The following PCDH15 variants were observed in gnomAD, a reference collection of about 807,000 sequenced individuals.
The protein encoded by PCDH15 is protocadherin-15.
A neutral mutation model predicts 178.5 loss-of-function variants in PCDH15; 129 were observed. The ratio of observed to expected loss-of-function variants is 0.72; its 90% CI spans 0.63 to 0.84. The LOEUF is 0.84. Among genes scored for constraint, PCDH15 ranks in the 40% least tolerant of loss-of-function variants. The pLI is 0.00. For synonymous variants in PCDH15, 800 were observed against 732.0 expected (o/e 1.09, Z -1.50); for missense variants, 2,230 against 2,099.9 (o/e 1.06, Z -1.21).
chr10:53,871,538 G>A (rs1204726247), intron 26 of PCDH15, among the ~76,000 whole-genome samples: 1 of 149,870 alleles, frequency 6.7e-6, no homozygotes, highest in Non-Finnish European at 1.5e-5. Context: ...AGTTACCTAA[G>A]TTGTCATAAT....
chr10:54,774,560 C>T (rs1292444379), intron 1 of PCDH15, among the ~76,000 whole-genome samples: 2 of 151,980 alleles, frequency 1.3e-5, no homozygotes, highest in African/African-American at 4.8e-5. Flanking sequence ...CAAACACAGG[C>T]GTATTGTTAT....
chr10:53,861,663 T>A (rs1394658874), intron 27 of PCDH15, among the ~76,000 whole-genome samples: 2 of 152,200 alleles, frequency 1.3e-5, no homozygotes, highest in African/African-American at 4.8e-5. Flanking sequence ...GTTTAATATA[T>A]GTTTAGTAAA....
intron 2 of PCDH15, among the ~76,000 whole-genome samples, chr10:54,989,448 T>A (rs928892380): frequency 2.6e-5 from 4 of 152,136 alleles, no homozygotes; most frequent in African/African-American, 9.7e-5. Context: ...GGAGGCTACA[T>A]CCTGCAAAGC....
chr10:55,506,576 G>T lies in PCDH15; in HGVS notation c.-156+121049C>A, dbSNP rs1277854975. On this transcript the variant is annotated intron_variant, in intron 2 of 5. Coordinates refer to the PCDH15 transcript ENST00000613346. ...GGCTCAAAAAGAAAAGTCAGATGAC[G>T]AAGGTGATAAGGTAACTAGAAGAGG... is the stretch of plus-strand genomic sequence containing the variant. Among the ~76,000 whole-genome samples the T allele has an allele frequency of 5.3e-5, 8 of 151,470 alleles. No individual in the cohort carries two copies. In the Admixed American group the frequency reaches 5.3e-4, roughly 10 times the overall value.
chr10:53,816,504 TCTAG>T (rs1485716094), intron 34 of PCDH15, among the ~76,000 whole-genome samples: 1 of 152,194 alleles, frequency 6.6e-6, no homozygotes, highest in African/African-American at 2.4e-5. Flanking sequence ...TCATCATTCT[TCTAG>T]TTAATGACAA....
At chr10:55,160,016 C>T (rs1839018972) in intron 2 of PCDH15, among the ~76,000 whole-genome samples, 1 of 151,824 alleles carries the variant, frequency 6.6e-6, no homozygotes, top group Admixed American at 6.6e-5. Context: ...TAAAGCTACT[C>T]CAAATCTTCT....
intron 15 of PCDH15, among the ~76,000 whole-genome samples, chr10:54,101,008 T>C (rs935195645): frequency 3.3e-5 from 5 of 152,160 alleles, no homozygotes; most frequent in Non-Finnish European, 7.3e-5. Flanking sequence ...TTGATATGGC[T>C]TGTCTGTGTC....
intron 17 of PCDH15, among the ~76,000 whole-genome samples, chr10:54,068,254 A>G (rs1472673534): frequency 6.6e-6 from 1 of 152,160 alleles, no homozygotes; most frequent in Non-Finnish European, 1.5e-5. Context: ...CTTAATAATT[A>G]CCATGCATAG....
At chr10:54,979,287 T>C (rs977172936) in intron 2 of PCDH15, among the ~76,000 whole-genome samples, 4 of 152,158 alleles carry the variant, frequency 2.6e-5, no homozygotes, top group African/African-American at 9.7e-5. Flanking sequence ...TTCATGGTAA[T>C]TGACTTCAAA....
chr10:55,581,512 C>A, intron 2 of PCDH15, among the ~76,000 whole-genome samples: 1 of 151,478 alleles, frequency 6.6e-6, no homozygotes, highest in Non-Finnish European at 1.5e-5. Context: ...GTAAATTTTG[C>A]TTCTATCTTA....
intron 26 of PCDH15, among the ~76,000 whole-genome samples, chr10:53,883,442 A>G (rs2080876195): frequency 6.6e-6 from 1 of 151,924 alleles, no homozygotes; most frequent in Non-Finnish European, 1.5e-5. Context: ...CTCTTTTCTT[A>G]TTCGTTAAAT....
At chr10:55,231,452 C>A (rs571656415) in intron 1 of PCDH15, among the ~76,000 whole-genome samples, 2 of 152,028 alleles carry the variant, frequency 1.3e-5, no homozygotes, top group African/African-American at 4.8e-5. Context: ...TAGCTAAGGC[C>A]ACTAAGCTAA....
At chr10:54,241,768 T>G (rs1244032370) in intron 8 of PCDH15, among the ~76,000 whole-genome samples, 2 of 151,970 alleles carry the variant, frequency 1.3e-5, no homozygotes, top group Non-Finnish European at 2.9e-5. Flanking sequence ...GTAAAGTGAA[T>G]TAGGTCCATA....
chr10:55,148,730 A>G (rs1212737073), intron 2 of PCDH15, among the ~76,000 whole-genome samples: 1 of 151,562 alleles, frequency 6.6e-6, no homozygotes, highest in Admixed American at 6.6e-5. Context: ...AAGCACTGAT[A>G]ATGTCTGTTA....
At position 54,760,477 on chromosome 10, in the gene PCDH15, C is replaced by T. The variant is rs542025213; in HGVS notation, c.-29+40448G>A. On this transcript the variant is annotated intron_variant, in intron 1 of 37. Coordinates refer to ENST00000644397, the MANE Select transcript of PCDH15 (RefSeq NM_001384140.1). ...TTAACACTTTGGATAATGAGAACAA[C>T]AGAAGTGGATACTAAATATCTTATT... 4.6e-5 allele frequency among the ~76,000 whole-genome samples: 7 copies of T among 152,274 alleles called. 1 individual carries two copies. The highest frequency in any genetic ancestry group is 9.6e-5 in the African/African-American group (4 of 41,544).
rs1031356679 is a variant in PCDH15 at position 55,543,164 on chromosome 10, T to C, written c.-156+84461A>G. ...GTACATACAGACATATGTATGTGTC[T>C]ATATAGGTACATATATACACCATGT... On this transcript the variant is annotated intron_variant, in intron 2 of 5. Coordinates refer to the PCDH15 transcript ENST00000613346. Among the ~76,000 whole-genome samples the C allele has an allele frequency of 8.1e-5, 12 of 147,740 alleles. 1 individual carries two copies. The highest frequency in any genetic ancestry group is 3.1e-4 in the African/African-American group (12 of 38,794).
rs946266269 is a variant in PCDH15 at position 54,360,217 on chromosome 10, CTTGA to C, written c.474+8899_474+8902del. ...ATGAGATGCCAGACCGCTTACCTGT[CTTGA>C]TTGTCTAACCAACCACCTGCTTCCT... On this transcript the variant is annotated intron_variant, in intron 5 of 37. Coordinates refer to ENST00000644397, the MANE Select transcript of PCDH15 (RefSeq NM_001384140.1). 2.6e-5 allele frequency among the ~76,000 whole-genome samples: 4 copies of C among 152,232 alleles called. No individual in the cohort carries two copies. In the East Asian group the frequency reaches 7.7e-4, roughly 29 times the overall value.
Position 54,188,210 on chromosome 10 carries a change from C to T in PCDH15, c.1306-2942G>A, listed in dbSNP as rs576717501. On this transcript the variant is annotated intron_variant, in intron 11 of 37. Transcript: ENST00000644397. ...AATTCCTTCTTGTCAAGCTGCATTCCGATACAGTTTGAATTTCACAAATAT... is the reference window on the plus strand; with the variant it reads ...AATTCCTTCTTGTCAAGCTGCATTCTGATACAGTTTGAATTTCACAAATAT... 6.6e-5 allele frequency among the ~76,000 whole-genome samples: 10 copies of T among 151,866 alleles called. No homozygotes were observed. In the South Asian group the frequency reaches 1.2e-3, roughly 19 times the overall value.
chr10:54,066,187 G>A (rs2094134444), intron 18 of PCDH15, among the ~76,000 whole-genome samples: 2 of 152,174 alleles, frequency 1.3e-5, no homozygotes, highest in Non-Finnish European at 2.9e-5. Flanking sequence ...CCCAAATGAG[G>A]AAGTACTGTC....
Sources: gnomAD v4.1 joint callset for allele counts (sites outside exome capture counted in the v4.1 genomes callset) on GRCh38, gnomAD v4.1.1 for gene constraint, MANE v1.5 for transcripts, NCBI Gene and HGNC (gene_info 2026-07-23, HGNC 2026-07-21) for gene names.